The following CTSB variants were observed in gnomAD, a reference collection of about 807,000 sequenced individuals.
CTSB encodes APP secretase.
In CTSB, 57 loss-of-function variants were observed where a neutral mutation model predicts 44.3. That is an observed-to-expected ratio of 1.29 (90% CI 1.04 to 1.60). CTSB has a LOEUF of 1.60. Among genes scored for constraint, CTSB ranks in the 40% most tolerant of loss-of-function variants. The probability of loss-of-function intolerance (pLI) is 0.00; values close to 1 mark genes in which losing one functional copy is unlikely to be tolerated. For missense variants in CTSB, 768 were observed against 443.0 expected (o/e 1.73, Z -6.59); for synonymous variants, 320 against 168.0 (o/e 1.91, Z -7.00).
chr8:11,868,064 A>C lies in CTSB; in HGVS notation c.-89T>G, dbSNP rs1021548742. 1 of 152,432 alleles carries C rather than the reference A, an allele frequency of 6.6e-6. No homozygotes were observed. Among genetic ancestry groups the C allele is most frequent in the Non-Finnish European group, 1.5e-5 (1 of 68,444 alleles). The allele number at this position is 152,432 out of a possible 1,614,324, so 9.4% of individuals were successfully genotyped here. ...GCAGCGGAGCGGTTGGCGTTGCCGG[A>C]GCGGTTGCCGGAGCCCTGCAGCCGC... On this transcript the variant is annotated 5_prime_UTR_variant, in exon 1 of 10. Coordinates refer to ENST00000353047, the MANE Select transcript of CTSB (RefSeq NM_001908.5).
intron 4 of CTSB, among the ~76,000 whole-genome samples, chr8:11,850,462 GAAGATTGCT>G (rs1814376887): frequency 1.4e-5 from 2 of 138,258 alleles, no homozygotes; most frequent in East Asian, 4.1e-4. Context: ...GAAAACAAAA[GAAGATTGCT>G]AAGATTATTA....
At chr8:11,863,797 G>A (rs1319625479) in intron 1 of CTSB, among the ~76,000 whole-genome samples, 3 of 152,162 alleles carry the variant, frequency 2.0e-5, no homozygotes, top group Non-Finnish European at 4.4e-5. Context: ...TGGTAAATGT[G>A]AGGAACAGGA....
At chr8:11,860,303 T>C (rs572705071) in intron 1 of CTSB, among the ~76,000 whole-genome samples, 3 of 152,144 alleles carry the variant, frequency 2.0e-5, no homozygotes, top group Admixed American at 6.5e-5. Context: ...GCTATACTGC[T>C]GGCTCCTCTC....
chr8:11,858,382 C>T (rs982006369), intron 1 of CTSB, among the ~76,000 whole-genome samples: 16 of 152,142 alleles, frequency 1.1e-4, no homozygotes, highest in Admixed American at 3.3e-4. Flanking sequence ...GCAAACTCTG[C>T]CTCCTGGGCT....
At chr8:11,846,806 C>G (rs896328029) in intron 8 of CTSB, among the ~76,000 whole-genome samples, 17 of 152,110 alleles carry the variant, frequency 1.1e-4, no homozygotes, top group African/African-American at 4.1e-4. Context: ...TGGGAAGGAA[C>G]TAGCCCAGAG....
At chr8:11,860,323 T>A (rs1186515616) in intron 1 of CTSB, among the ~76,000 whole-genome samples, 1 of 151,970 alleles carries the variant, frequency 6.6e-6, no homozygotes, top group African/African-American at 2.4e-5. Flanking sequence ...CATAGTCAGC[T>A]CTAAAGAATT....
rs117636256 is a variant in CTSB at position 11,847,151 on chromosome 8, C to T, written c.694G>A (p.Val232Ile). The stretch of plus-strand genomic sequence containing the variant: ...ATGATGTCCTTCTCGCTATTGGAGA[C>T]GCTGTAGGAATTGTATCCTGGAAAA... ...DKHYGYNSYS[V>I]SNSEKDIMAE... Residue 232 changes from valine to isoleucine, a missense_variant, in exon 8 of 10, where the codon GTC (valine) becomes ATC (isoleucine). Transcript: ENST00000353047. The T allele has an allele frequency of 1.2e-4, 194 of 1,611,920 alleles. 2 individuals carry two copies. The highest frequency in any genetic ancestry group is 1.3e-4 in the Non-Finnish European group (152 of 1,178,098).
In CTSB at chr8:11,847,736, A is replaced by G; in HGVS notation, c.619T>C (p.Cys207Arg). ...PCTGEGDTPK[C>R]SKICEPGYSP... Reference sequence around the variant, plus strand: ...TAGCCAGGCTCACAGATCTTGCTACACTTGGGGGTATCTCCCTCCCCCGTG... The same window carrying G: ...TAGCCAGGCTCACAGATCTTGCTACGCTTGGGGGTATCTCCCTCCCCCGTG... Residue 207 changes from cysteine to arginine, a missense_variant, in exon 7 of 10, where the codon TGT becomes CGT. Transcript: ENST00000353047. The G allele has an allele frequency of 2.5e-6, 4 of 1,600,384 alleles. No individual in the cohort carries two copies. Among genetic ancestry groups the G allele is most frequent in the Non-Finnish European group, 3.4e-6 (4 of 1,175,374 alleles).
chr8:11,862,421 T>C (rs1370976708), intron 1 of CTSB: 5 of 152,230 alleles, frequency 3.3e-5, no homozygotes, highest in Admixed American at 1.3e-4. Flanking sequence ...CATCTCCTTA[T>C]ACATAGGACA....
In CTSB at chr8:11,843,351, A is replaced by C. The variant is rs1174305377; in HGVS notation, c.*1774T>G. 1 of 152,190 alleles carries C rather than the reference A, an allele frequency of 6.6e-6. No individual in the cohort carries two copies. The highest frequency in any genetic ancestry group is 1.5e-5 in the Non-Finnish European group (1 of 68,032). 9.4% of individuals were successfully genotyped at this position (152,190 alleles called of 1,614,324 possible). A position where few individuals can be genotyped will look rare whatever the true frequency, so the allele number is the denominator to read the frequency against. On this transcript the variant is annotated 3_prime_UTR_variant, in exon 10 of 10. Coordinates refer to ENST00000353047, the MANE Select transcript of CTSB (RefSeq NM_001908.5). ...TCTAGCATCTGGTTCCTAAATTCTGAGTCACATCAGAAGCCAAACTTGAAT... is the reference window on the plus strand; with the variant it reads ...TCTAGCATCTGGTTCCTAAATTCTGCGTCACATCAGAAGCCAAACTTGAAT...
intron 1 of CTSB, among the ~76,000 whole-genome samples, chr8:11,861,173 G>A (rs1816354278): frequency 6.6e-6 from 1 of 152,228 alleles, no homozygotes; most frequent in African/African-American, 2.4e-5. Context: ...GTCCCCTGAT[G>A]AACGGGCACC....
At chr8:11,852,132 C>G (rs1008020309) in intron 3 of CTSB, among the ~76,000 whole-genome samples, 1 of 152,154 alleles carries the variant, frequency 6.6e-6, no homozygotes, top group Non-Finnish European at 1.5e-5. Context: ...CTCTGGGATG[C>G]CGAGTTGGGC....
At chr8:11,848,726 A>G in intron 5 of CTSB, 1 of 311,402 alleles carries the variant, frequency 3.2e-6, no homozygotes, top group South Asian at 3.2e-5. Context: ...GAAATGCCCC[A>G]AACTGGTTCC....
At chr8:11,867,086 C>A (rs1817262211) in intron 1 of CTSB, among the ~76,000 whole-genome samples, 1 of 152,146 alleles carries the variant, frequency 6.6e-6, no homozygotes. Context: ...TCTTTGCCAG[C>A]CTGCTGGCTT....
At chr8:11,851,786 C>T (rs892216861) in intron 3 of CTSB, among the ~76,000 whole-genome samples, 1 of 152,088 alleles carries the variant, frequency 6.6e-6, no homozygotes, top group East Asian at 2.0e-4. Context: ...CTAGCCTCAG[C>T]CTCCCGAGTA....
chr8:11,848,555 A>T (rs1426528426), intron 5 of CTSB: 1 of 346,922 alleles, frequency 2.9e-6, no homozygotes, highest in Non-Finnish European at 5.7e-6. Flanking sequence ...TTAGGGGAGA[A>T]GCCCATGCAT....
At position 11,864,774 on chromosome 8, in the gene CTSB, C is replaced by T. The variant is rs532236011; in HGVS notation, c.-26+3227G>A. Among the ~76,000 whole-genome samples, 211 of 152,144 alleles carry T rather than the reference C, an allele frequency of 1.4e-3. 1 individual carries two copies. Among genetic ancestry groups the T allele is most frequent in the Non-Finnish European group, 2.1e-3 (141 of 67,984 alleles). Reference sequence around the variant, plus strand: ...ACTAAAAATACAAAAATTAGCCAGGCATGGTGGTGCATGCCTCTAATCCCA... The same window carrying T: ...ACTAAAAATACAAAAATTAGCCAGGTATGGTGGTGCATGCCTCTAATCCCA... On this transcript the variant is annotated intron_variant, in intron 1 of 9. Transcript: ENST00000353047.
At chr8:11,846,499 C>G (rs542198258) in intron 8 of CTSB, 5 of 152,634 alleles carry the variant, frequency 3.3e-5, no homozygotes, top group Non-Finnish European at 7.3e-5. Context: ...CAAGGGATTT[C>G]TAAGACAGGA....
intron 9 of CTSB, 29 bp downstream of exon 9, chr8:11,845,632 T>C: frequency 1.9e-6 from 3 of 1,607,282 alleles, no homozygotes; most frequent in Non-Finnish European, 2.6e-6. Flanking sequence ...CAATTCACTG[T>C]TCTTGGCAGG....
Sources: gnomAD v4.1 joint callset for allele counts (sites outside exome capture counted in the v4.1 genomes callset) on GRCh38, gnomAD v4.1.1 for gene constraint, MANE v1.5 for transcripts, NCBI Gene and HGNC (gene_info 2026-07-23, HGNC 2026-07-21) for gene names.